Variants in MIGA1 observed in about 807,000 individuals in gnomAD.
MIGA1 encodes mitoguardin 1, also known as family with sequence similarity 73, member A.
A neutral mutation model predicts 82.0 loss-of-function variants in MIGA1; 58 were observed. The observed-to-expected ratio is 0.71, with a 90% CI of 0.57 to 0.88. The LOEUF is 0.88. Among genes scored for constraint, MIGA1 ranks in the 40% least tolerant of loss-of-function variants. The pLI is 0.00. For synonymous variants in MIGA1, 249 were observed against 253.6 expected (o/e 0.98, Z 0.17); for missense variants, 751 against 749.1 (o/e 1.00, Z -0.03).
chr1:77,782,793 C>A, intron 1 of MIGA1: 1 of 800,820 alleles, frequency 1.2e-6, no homozygotes, highest in Non-Finnish European at 1.5e-6. Flanking sequence ...GAGGTTCTAG[C>A]CCCAAGATTC....
chr1:77,833,210 G>A (rs552238760), intron 7 of MIGA1, among the ~76,000 whole-genome samples: 1 of 152,270 alleles, frequency 6.6e-6, no homozygotes, highest in Non-Finnish European at 1.5e-5. Context: ...AACTCCCTGA[G>A]GGTTTATTTT....
intron 2 of MIGA1, among the ~76,000 whole-genome samples, chr1:77,791,976 T>G (rs1056374152): frequency 2.0e-5 from 3 of 152,194 alleles, no homozygotes; most frequent in Non-Finnish European, 4.4e-5. Flanking sequence ...CAGCATTTGG[T>G]ATTGTCACTT....
chr1:77,790,083 C>T (rs1405693706), intron 2 of MIGA1, among the ~76,000 whole-genome samples: 2 of 152,116 alleles, frequency 1.3e-5, no homozygotes, highest in South Asian at 2.1e-4. Flanking sequence ...TATCCCATTT[C>T]CCCCAATGGT....
chr1:77,868,110 C>T (rs1328989831), intron 14 of MIGA1: 1 of 152,300 alleles, frequency 6.6e-6, no homozygotes, highest in Middle Eastern at 3.4e-3. Context: ...GCGATGATAT[C>T]AGCAAGCTTA....
intron 2 of MIGA1, among the ~76,000 whole-genome samples, chr1:77,795,577 C>T (rs1682618199): frequency 6.6e-6 from 1 of 151,706 alleles, no homozygotes; most frequent in Non-Finnish European, 1.5e-5. Context: ...AGTGATCTCT[C>T]CACCTTGTCC....
At chr1:77,803,127 A>G (rs1379767104) in intron 3 of MIGA1, 143 bp from the exon 4 acceptor site, 1 of 413,844 alleles carries the variant, frequency 2.4e-6, no homozygotes, top group Non-Finnish European at 4.2e-6. Flanking sequence ...AATGATGTAC[A>G]TGTAATAATT....
intron 3 of MIGA1, among the ~76,000 whole-genome samples, chr1:77,801,793 C>T (rs1406433580): frequency 1.3e-5 from 2 of 151,976 alleles, no homozygotes; most frequent in Non-Finnish European, 2.9e-5. Flanking sequence ...ATGTTATATA[C>T]AAGTAAATTA....
intron 1 of MIGA1, chr1:77,780,173 C>CG: frequency 1.0e-6 from 1 of 988,228 alleles, no homozygotes; most frequent in Non-Finnish European, 1.2e-6. Flanking sequence ...GCTGTGGGGT[C>CG]GGGGGAGAGC....
At chr1:77,841,840 C>A (rs2101886571) in intron 7 of MIGA1, among the ~76,000 whole-genome samples, 1 of 149,426 alleles carries the variant, frequency 6.7e-6, no homozygotes, top group East Asian at 2.0e-4. Flanking sequence ...ACTCTGACAT[C>A]CAGGCTGGAG....
intron 2 of MIGA1, among the ~76,000 whole-genome samples, chr1:77,787,700 T>A (rs1557893307): frequency 6.6e-6 from 1 of 152,190 alleles, no homozygotes; most frequent in Non-Finnish European, 1.5e-5. Context: ...CCTTTGCCCA[T>A]TTTTGAAATT....
intron 7 of MIGA1, among the ~76,000 whole-genome samples, chr1:77,830,195 T>G (rs1684191108): frequency 6.6e-6 from 1 of 152,168 alleles, no homozygotes. Context: ...TGTAGGCAAA[T>G]TTACATTTTC....
intron 8 of MIGA1, among the ~76,000 whole-genome samples, chr1:77,844,125 TATATATATATATAGATAGATAG>T (rs1557924306): frequency 7.7e-5 from 9 of 116,806 alleles, no homozygotes; most frequent in African/African-American, 2.8e-4. Flanking sequence ...TATATATATA[TATATATATATATAGATAGATAG>T]ATAGATAGAT....
intron 8 of MIGA1, chr1:77,848,661 A>G: frequency 6.4e-7 from 1 of 1,574,738 alleles, no homozygotes; most frequent in Non-Finnish European, 8.7e-7. Flanking sequence ...AGGGTAAAGA[A>G]CAAGAGAGAC....
rs572887021 is a variant in MIGA1 at position 77,805,119 on chromosome 1, C to T, written c.510+1713C>T. 5.9e-3 allele frequency among the ~76,000 whole-genome samples: 900 copies of T among 151,934 alleles called. 9 individuals carry two copies. Among genetic ancestry groups the T allele is most frequent in the African/African-American group, 0.021 (857 of 41,418 alleles). ...ATGCCATTCTCCTGGCTCAGCCTCC[C>T]GAGTAGCTGGGACTACAGGCACCCG... On this transcript the variant is annotated intron_variant, in intron 4 of 15. Transcript: ENST00000370791.
rs1683253934 is a variant in MIGA1 at position 77,809,901 on chromosome 1, A to G, written c.637+2800A>G. Among the ~76,000 whole-genome samples the G allele has an allele frequency of 7.3e-5, 11 of 151,210 alleles. No homozygotes were observed. In the South Asian group the frequency reaches 2.1e-3, roughly 29 times the overall value. On this transcript the variant is annotated intron_variant, in intron 5 of 15. Coordinates refer to ENST00000370791, the MANE Select transcript of MIGA1 (RefSeq NM_198549.4). ...AAATAAATGGCGATCCTATCTACCT[A>G]TATAAAAAAAATAGAATATCTTTCC... is the stretch of plus-strand genomic sequence containing the variant.
chr1:77,795,322 T>C (rs1211747035), intron 2 of MIGA1, among the ~76,000 whole-genome samples: 1 of 151,770 alleles, frequency 6.6e-6, no homozygotes, highest in East Asian at 1.9e-4. Flanking sequence ...TACTTCTACA[T>C]TTATTATTTG....
intron 11 of MIGA1, chr1:77,860,987 A>G (rs1230130593): frequency 4.9e-6 from 2 of 404,202 alleles, no homozygotes; most frequent in Non-Finnish European, 8.8e-6. Flanking sequence ...AAATAGGCAT[A>G]CATATTTGAG....
At chr1:77,846,593 C>A (rs1684851460) in intron 8 of MIGA1, among the ~76,000 whole-genome samples, 1 of 151,914 alleles carries the variant, frequency 6.6e-6, no homozygotes, top group African/African-American at 2.4e-5. Flanking sequence ...GTTGGCCTCC[C>A]AAAGTGCTGG....
chr1:77,858,852 T>C (rs1685361786), intron 8 of MIGA1, 86 bp from the exon 9 acceptor site: 2 of 747,226 alleles, frequency 2.7e-6, no homozygotes, highest in Non-Finnish European at 4.6e-6. Flanking sequence ...ACTTCTGGGT[T>C]CAAATGATCC....
Sources: gnomAD v4.1 joint callset for allele counts (sites outside exome capture counted in the v4.1 genomes callset) on GRCh38, gnomAD v4.1.1 for gene constraint, MANE v1.5 for transcripts, NCBI Gene and HGNC (gene_info 2026-07-23, HGNC 2026-07-21) for gene names.